The following GALNT13 variants were observed in gnomAD, a reference collection of about 807,000 sequenced individuals.
GALNT13 encodes the protein polypeptide N-acetylgalactosaminyltransferase 13.
In GALNT13, 28 loss-of-function variants were observed where a neutral mutation model predicts 64.2. The ratio of observed to expected loss-of-function variants is 0.44; its 90% CI spans 0.32 to 0.60. The LOEUF (loss-of-function observed/expected upper bound fraction) is 0.60. Among genes scored for constraint, GALNT13 ranks in the 20% least tolerant of loss-of-function variants. The pLI is 0.05. For missense variants in GALNT13, 577 were observed against 669.8 expected, an observed-to-expected ratio of 0.86 and a Z score of 1.53; for synonymous variants, 214 against 224.6, an observed-to-expected ratio of 0.95 and a Z score of 0.42.
chr2:153,409,376 GTA>G, the GALNT13 span, among the ~76,000 whole-genome samples: 167 of 121,728 alleles, frequency 1.4e-3, no homozygotes, highest in African/African-American at 5.2e-3. Flanking sequence ...TCATATGTGT[GTA>G]TATATATATA....
the GALNT13 span, among the ~76,000 whole-genome samples, chr2:153,813,519 C>A: frequency 7.9e-6 from 1 of 126,604 alleles, no homozygotes; most frequent in Non-Finnish European, 1.8e-5. Context: ...GGAAGACATA[C>A]CTTATCTCAT....
At chr2:154,086,109 T>C (rs955723078) in intron 3 of GALNT13, among the ~76,000 whole-genome samples, 4 of 148,540 alleles carry the variant, frequency 2.7e-5, no homozygotes, top group Admixed American at 6.8e-5. Context: ...TTATATATAA[T>C]ATATATTATG....
chr2:154,141,343 A>T (rs1452835461), intron 4 of GALNT13, among the ~76,000 whole-genome samples: 1 of 152,106 alleles, frequency 6.6e-6, no homozygotes, highest in Non-Finnish European at 1.5e-5. Flanking sequence ...AAAGTCTTGA[A>T]TTTTTTTCAC....
the GALNT13 span, among the ~76,000 whole-genome samples, chr2:153,095,519 C>T: frequency 6.6e-6 from 1 of 152,194 alleles, no homozygotes; most frequent in Non-Finnish European, 1.5e-5. Context: ...CCATTTGATC[C>T]AGTCATCCCA....
chr2:154,284,616 T>G (rs1166779853), intron 8 of GALNT13, among the ~76,000 whole-genome samples: 1 of 152,134 alleles, frequency 6.6e-6, no homozygotes, highest in Non-Finnish European at 1.5e-5. Flanking sequence ...TGGTTGCATC[T>G]GTATCTTGGC....
intron 9 of GALNT13, among the ~76,000 whole-genome samples, chr2:154,306,142 T>TTATTA (rs1693717462): frequency 2.0e-5 from 3 of 151,222 alleles, no homozygotes; most frequent in Non-Finnish European, 4.4e-5. Flanking sequence ...ATAAATCTCT[T>TTATTA]TTATTATTAT....
chr2:153,249,237 TAGAC>T, the GALNT13 span, among the ~76,000 whole-genome samples: 98 of 149,418 alleles, frequency 6.6e-4, no homozygotes, highest in African/African-American at 1.9e-3. Context: ...ACACCAATAA[TAGAC>T]AGAGAGCCAA....
intron 9 of GALNT13, among the ~76,000 whole-genome samples, chr2:154,356,824 TTAAA>T (rs1444457934): frequency 6.6e-6 from 1 of 152,024 alleles, no homozygotes; most frequent in African/African-American, 2.4e-5. Flanking sequence ...CAAATGTACA[TTAAA>T]TAAATACTTT....
intron 4 of GALNT13, among the ~76,000 whole-genome samples, chr2:154,142,014 T>C (rs1241322938): frequency 2.0e-5 from 3 of 152,190 alleles, no homozygotes; most frequent in Non-Finnish European, 4.4e-5. Context: ...TTGGCATTAA[T>C]AAAAGATGTG....
At chr2:153,668,002 G>T in the GALNT13 span, among the ~76,000 whole-genome samples, 12 of 151,956 alleles carry the variant, frequency 7.9e-5, no homozygotes, top group African/African-American at 2.7e-4. Context: ...AAACCAACAA[G>T]ATCAAAAAGG....
chr2:153,877,098 A>G (rs1231418479), intron 1 of GALNT13, among the ~76,000 whole-genome samples: 1 of 152,138 alleles, frequency 6.6e-6, no homozygotes, highest in African/African-American at 2.4e-5. Flanking sequence ...AAGAATGACT[A>G]TTATTACCAT....
chr2:154,287,075 C>T (rs1559068768), intron 8 of GALNT13: 4 of 790,488 alleles, frequency 5.1e-6, no homozygotes, highest in East Asian at 2.5e-5. Context: ...TGGGCTCATC[C>T]ACCCACCTTT....
intron 7 of GALNT13, among the ~76,000 whole-genome samples, chr2:154,255,992 G>A (rs1430164131): frequency 1.3e-5 from 2 of 152,112 alleles, no homozygotes; most frequent in Admixed American, 1.3e-4. Flanking sequence ...AGTCGAGGCT[G>A]CAGGGAAATC....
At chr2:153,303,218 T>TA in the GALNT13 span, among the ~76,000 whole-genome samples, 3 of 151,864 alleles carry the variant, frequency 2.0e-5, no homozygotes, top group Non-Finnish European at 2.9e-5. Flanking sequence ...CATTTTTTTT[T>TA]ATCAGTGTTT....
chr2:154,268,175 G>C (rs1283335438), intron 8 of GALNT13, among the ~76,000 whole-genome samples: 2 of 152,142 alleles, frequency 1.3e-5, no homozygotes, highest in Non-Finnish European at 2.9e-5. Context: ...CCGAAAGCCA[G>C]AAACAATCCA....
the GALNT13 span, among the ~76,000 whole-genome samples, chr2:153,523,625 G>A: frequency 1.3e-5 from 2 of 152,130 alleles, no homozygotes; most frequent in African/African-American, 4.8e-5. Flanking sequence ...TTTATTGCTG[G>A]TAGAGGGGAA....
chr2:153,395,558 G>A, the GALNT13 span, among the ~76,000 whole-genome samples: 1 of 151,982 alleles, frequency 6.6e-6, no homozygotes, highest in Admixed American at 6.6e-5. Context: ...TTATTTTAAT[G>A]CTTTTCTCTT....
chr2:153,895,784 A>G (rs1687847485), intron 1 of GALNT13, among the ~76,000 whole-genome samples: 1 of 152,036 alleles, frequency 6.6e-6, no homozygotes, highest in Non-Finnish European at 1.5e-5. Flanking sequence ...CTAAGGAAAC[A>G]ATCACGCTGT....
At chr2:153,655,737 C>G in the GALNT13 span, among the ~76,000 whole-genome samples, 1 of 151,952 alleles carries the variant, frequency 6.6e-6, no homozygotes, top group Non-Finnish European at 1.5e-5. Context: ...ACTGATATAC[C>G]TTCTATAGCT....
Sources: gnomAD v4.1 joint callset for allele counts (sites outside exome capture counted in the v4.1 genomes callset) on GRCh38, gnomAD v4.1.1 for gene constraint, MANE v1.5 for transcripts, NCBI Gene and HGNC (gene_info 2026-07-23, HGNC 2026-07-21) for gene names.